ALG9: variants seen among roughly 807,000 people sequenced by gnomAD.
ALG9 encodes alpha-1,2-mannosyltransferase ALG9.
In ALG9, 55 loss-of-function variants were observed where a neutral mutation model predicts 81.8. That is an observed-to-expected ratio of 0.67 (90% CI 0.54 to 0.84). ALG9 has a LOEUF of 0.84. ALG9 is among the 40% of genes least tolerant of loss of function. The probability of loss-of-function intolerance (pLI) is 0.00; values close to 1 mark genes in which losing one functional copy is unlikely to be tolerated. For synonymous variants in ALG9, 278 were observed against 274.3 expected (o/e 1.01, Z -0.13); for missense variants, 629 against 745.0 (o/e 0.84, Z 1.81).
intron 4 of ALG9, chr11:111,864,464 A>G (rs1961575120): frequency 1.3e-6 from 1 of 743,100 alleles, no homozygotes; most frequent in Non-Finnish European, 2.5e-6. Context: ...TTTGTAGTAA[A>G]ATGAATTTCA....
At chr11:111,861,899 T>A (rs1026152348) in intron 4 of ALG9, among the ~76,000 whole-genome samples, 1 of 152,212 alleles carries the variant, frequency 6.6e-6, no homozygotes, top group Non-Finnish European at 1.5e-5. Context: ...TTTGAAGATA[T>A]TCTTTTTTGG....
rs781855985 is a variant in ALG9 at position 111,809,680 on chromosome 11, T to A, written c.1696A>T (p.Ile566Phe). The change falls in exon 14 of 15, where the codon ATC becomes TTC. Residue 566 changes from isoleucine (I) to phenylalanine (F), a missense_variant. Ile to Phe is a conservative substitution (Grantham distance 21). Transcript: ENST00000616540. Reference sequence around the variant, plus strand: ...AGGAATGGTCTATAGGCCAAGCTGATCCATTCTTCTTTATTGGATGAATAT... The same window carrying A: ...AGGAATGGTCTATAGGCCAAGCTGAACCATTCTTCTTTATTGGATGAATAT... ...PKYSSNKEEW[I>F]SLAYRPFLDA... 1 of 1,614,022 alleles carries A rather than the reference T, an allele frequency of 6.2e-7. No individual in the cohort carries two copies. Among genetic ancestry groups the A allele is most frequent in the Non-Finnish European group, 8.5e-7 (1 of 1,180,012 alleles).
intron 14 of ALG9, 126 bp downstream of exon 14, chr11:111,809,517 T>TACACACACACACAC (rs4026119): frequency 1.2e-4 from 110 of 940,556 alleles, no homozygotes; most frequent in Middle Eastern, 8.6e-4. Context: ...GAGACTCCAT[T>TACACACACACACAC]ACACACACAC....
chr11:111,857,588 T>G lies in ALG9; in HGVS notation c.701+14A>C. 1 of 1,614,088 alleles carries G rather than the reference T, an allele frequency of 6.2e-7. No individual in the cohort carries two copies. Among genetic ancestry groups the G allele is most frequent in the Non-Finnish European group, 8.5e-7 (1 of 1,179,976 alleles). On this transcript the variant is annotated intron_variant, in intron 6 of 14. Transcript: ENST00000616540. ...GCCCAGCGATATATGGGAGGAGAAC[T>G]GTTAGTTTCTTACCCAAGAGCTGCA...
rs1291144873 is a variant in ALG9 at position 111,839,612 on chromosome 11, G to C, written c.1173+1043C>G. The stretch of plus-strand genomic sequence containing the variant: ...TCAAAAAAAAAAAAAGGGGGGGGGG[G>C]ATATAAAGTTACATGTATACTTATT... On this transcript the variant is annotated intron_variant, in intron 10 of 14. Coordinates refer to ENST00000616540, the MANE Select transcript of ALG9 (RefSeq NM_024740.2). 6.2e-5 allele frequency among the ~76,000 whole-genome samples: 7 copies of C among 112,786 alleles called. No homozygotes were observed. The South Asian group carries it at 1.0e-3, about 16-fold the overall frequency. 74.0% of individuals were successfully genotyped at this position (112,786 alleles called of 152,430 possible). A position where few individuals can be genotyped will look rare whatever the true frequency, so the allele number is the denominator to read the frequency against.
chr11:111,837,368 T>G (rs1186043419), intron 12 of ALG9, 100 bp downstream of exon 12: 3 of 1,385,178 alleles, frequency 2.2e-6, no homozygotes, highest in Non-Finnish European at 3.0e-6. Flanking sequence ...AATAACTCTC[T>G]GTGAAAACTC....
At chr11:111,820,922 A>G (rs686000) in intron 13 of ALG9, among the ~76,000 whole-genome samples, 102 of 71,524 alleles carry the variant, frequency 1.4e-3, no homozygotes, top group Admixed American at 4.4e-3. Flanking sequence ...ACACGCGCGC[A>G]CACACACACA....
intron 8 of ALG9, among the ~76,000 whole-genome samples, chr11:111,852,950 A>AG (rs2137044277): frequency 6.6e-6 from 1 of 151,930 alleles, no homozygotes; most frequent in African/African-American, 2.4e-5. Context: ...CTCAAAAAAA[A>AG]AAAAAAAAAT....
chr11:111,789,066 C>G (rs1045323813), intron 14 of ALG9, among the ~76,000 whole-genome samples: 5 of 151,732 alleles, frequency 3.3e-5, no homozygotes, highest in African/African-American at 1.2e-4. Context: ...TGGCCTTGAA[C>G]TCCTGGGCTC....
chr11:111,841,996 G>A (rs1002572496), intron 9 of ALG9, among the ~76,000 whole-genome samples: 6 of 151,962 alleles, frequency 3.9e-5, no homozygotes, highest in Admixed American at 2.0e-4. Flanking sequence ...TCCCAGGTTC[G>A]AATGATTCTC....
intron 13 of ALG9, among the ~76,000 whole-genome samples, chr11:111,813,947 C>T (rs781943528): frequency 2.0e-5 from 3 of 152,162 alleles, no homozygotes; most frequent in African/African-American, 4.8e-5. Context: ...AACAATTCTA[C>T]CCCTAATTAT....
chr11:111,857,790 T>C, intron 5 of ALG9, 53 bp from the exon 6 acceptor site: 1 of 1,606,720 alleles, frequency 6.2e-7, no homozygotes, highest in Non-Finnish European at 8.5e-7. Flanking sequence ...TCGAGGTTAA[T>C]TAGGTATCAA....
intron 8 of ALG9, among the ~76,000 whole-genome samples, chr11:111,849,037 GTTTCTTTCTTTC>G (rs34647018): frequency 6.6e-6 from 1 of 151,128 alleles, no homozygotes; most frequent in African/African-American, 2.4e-5. Context: ...TTTATTCAAT[GTTTCTTTCTTTC>G]TTTCTTTCTT....
intron 13 of ALG9, among the ~76,000 whole-genome samples, chr11:111,813,073 T>TA (rs59534317): frequency 1 from 152,273 of 152,274 alleles, 76,136 homozygotes; most frequent in Middle Eastern, 1. Context: ...CCAGCTGGTG[T>TA]AGACAACTGG....
chr11:111,822,768 A>G (rs1294326181), intron 13 of ALG9, among the ~76,000 whole-genome samples: 1 of 152,102 alleles, frequency 6.6e-6, no homozygotes, highest in African/African-American at 2.4e-5. Flanking sequence ...CACGCCTGCA[A>G]TCCCAGCACT....
intron 14 of ALG9, among the ~76,000 whole-genome samples, chr11:111,803,249 C>A (rs1949400875): frequency 6.6e-6 from 1 of 152,056 alleles, no homozygotes; most frequent in South Asian, 2.1e-4. Flanking sequence ...TGCCTGTAAT[C>A]CCAATACTTT....
At chr11:111,830,114 G>C (rs966238034) in intron 13 of ALG9, among the ~76,000 whole-genome samples, 18 of 152,162 alleles carry the variant, frequency 1.2e-4, no homozygotes, top group African/African-American at 4.3e-4. Flanking sequence ...CTTGATTCCA[G>C]AAAAGAATCA....
intron 1 of ALG9, chr11:111,870,840 G>T: frequency 1.0e-6 from 1 of 1,004,074 alleles, no homozygotes. Flanking sequence ...GCTTTTGATG[G>T]CTTTATTCAT....
chr11:111,835,421 G>A (rs1471177748), intron 13 of ALG9, among the ~76,000 whole-genome samples: 1 of 152,216 alleles, frequency 6.6e-6, no homozygotes, highest in East Asian at 1.9e-4. Flanking sequence ...GTAGGGAGAA[G>A]ATCATGGCCC....
Sources: allele counts gnomAD v4.1 joint callset (sites outside exome capture counted in the v4.1 genomes callset), GRCh38; gene constraint gnomAD v4.1.1; transcripts MANE v1.5; gene names NCBI Gene and HGNC (gene_info 2026-07-23, HGNC 2026-07-21).